INTS7: variants seen among roughly 807,000 people sequenced by gnomAD.
INTS7 encodes the protein integrator complex subunit 7, also known as chromosome 1 open reading frame 73.
A neutral mutation model predicts 109.2 loss-of-function variants in INTS7; 46 were observed. The ratio of observed to expected loss-of-function variants is 0.42; its 90% confidence interval spans 0.33 to 0.54. The LOEUF is 0.54. Among genes scored for constraint, INTS7 ranks in the 20% least tolerant of loss-of-function variants. The probability of loss-of-function intolerance (pLI) is 0.07; values close to 1 mark genes in which losing one functional copy is unlikely to be tolerated. For synonymous variants in INTS7, 412 were observed against 402.9 expected (o/e 1.02, Z -0.27); for missense variants, 929 against 1,132.4 (o/e 0.82, Z 2.58).
chr1:211,956,913 CAT>C (rs2102395442), intron 16 of INTS7, among the ~76,000 whole-genome samples: 1 of 152,266 alleles, frequency 6.6e-6, no homozygotes, highest in South Asian at 2.1e-4. Flanking sequence ...TGTGTGGAAA[CAT>C]GTTTTCATTT....
chr1:211,953,218 A>G (rs1218831821), intron 16 of INTS7, among the ~76,000 whole-genome samples: 6 of 152,224 alleles, frequency 3.9e-5, no homozygotes, highest in Non-Finnish European at 7.4e-5. Context: ...GCATGAATCT[A>G]AAGCATGGAG....
chr1:212,009,359 C>T (rs1666068389), intron 5 of INTS7, among the ~76,000 whole-genome samples: 2 of 152,130 alleles, frequency 1.3e-5, no homozygotes, highest in Admixed American at 6.5e-5. Flanking sequence ...ACACAGAATA[C>T]TCCAGCATCC....
In INTS7 at chr1:211,962,762, G is replaced by A. The variant is rs149795623; in HGVS notation, c.2183+3668C>T. ...TACAATTACATGGAAATTAAACAAC[G>A]TGCTCCTGAATGATTTTTTGGCAAG... On this transcript the variant is annotated intron_variant, in intron 16 of 19. Transcript: ENST00000366994. 6.6e-3 allele frequency among the ~76,000 whole-genome samples: 1,007 copies of A among 152,164 alleles called. 7 individuals are homozygous for A. The highest frequency in any genetic ancestry group is 0.023 in the African/African-American group (961 of 41,534).
intron 7 of INTS7, 72 bp from the exon 8 acceptor site, chr1:211,988,075 C>T: frequency 1.4e-6 from 1 of 737,658 alleles, no homozygotes; most frequent in Non-Finnish European, 2.2e-6. Flanking sequence ...ACTCCATTTA[C>T]ATTTTCTGGC....
At chr1:211,996,008 G>T (rs1665366670) in intron 7 of INTS7, among the ~76,000 whole-genome samples, 1 of 152,072 alleles carries the variant, frequency 6.6e-6, no homozygotes, top group African/African-American at 2.4e-5. Flanking sequence ...AATATAAACT[G>T]GAGTGAGAAA....
chr1:211,957,787 A>G lies in INTS7; in HGVS notation c.2184-5086T>C, dbSNP rs149851292. On this transcript the variant is annotated intron_variant, in intron 16 of 19. Coordinates refer to ENST00000366994, the MANE Select transcript of INTS7 (RefSeq NM_015434.4). Reference sequence around the variant, plus strand: ...AGAAATCATGACCAATTTCAAGGTCATGAAGAGGTTTTCCAATGTAGTCTT... The same window carrying G: ...AGAAATCATGACCAATTTCAAGGTCGTGAAGAGGTTTTCCAATGTAGTCTT... Among the ~76,000 whole-genome samples, 656 of 152,228 alleles carry G rather than the reference A, an allele frequency of 4.3e-3. 1 individual carries two copies. Among genetic ancestry groups the G allele is most frequent in the African/African-American group, 0.015 (625 of 41,534 alleles).
Position 212,035,497 on chromosome 1 carries a change from G to A in INTS7, c.-60C>T, listed in dbSNP as rs972340148. 25 of 1,233,646 alleles carry A rather than the reference G, an allele frequency of 2.0e-5. No homozygotes were observed. Among genetic ancestry groups the A allele is most frequent in the Non-Finnish European group, 2.4e-5 (20 of 834,748 alleles). 76.4% of individuals were successfully genotyped at this position (1,233,646 alleles called of 1,614,324 possible). ...AGCTTGCAAACTCTACCCCAGGACC[G>A]CCATCTTCCCCCGCCGCCTTCTTGC... On this transcript the variant is annotated 5_prime_UTR_variant, in exon 1 of 20. Transcript: ENST00000366994.
At chr1:211,956,724 G>A (rs2102395148) in intron 16 of INTS7, among the ~76,000 whole-genome samples, 1 of 152,042 alleles carries the variant, frequency 6.6e-6, no homozygotes, top group South Asian at 2.1e-4. Flanking sequence ...TGTTTCGGAG[G>A]GCACGCATGG....
intron 1 of INTS7, among the ~76,000 whole-genome samples, chr1:212,021,680 T>TA (rs1169512759): frequency 0.077 from 9,755 of 126,994 alleles, 604 homozygotes; most frequent in African/African-American, 0.17. Flanking sequence ...CCTCATCTCT[T>TA]AAAAAAAAAA....
chr1:211,991,108 G>A (rs1665125809), intron 7 of INTS7, among the ~76,000 whole-genome samples: 1 of 151,884 alleles, frequency 6.6e-6, no homozygotes, highest in Non-Finnish European at 1.5e-5. Context: ...TGAATAAGAA[G>A]GATTCAGTAA....
At chr1:211,973,901 T>A (rs1177172921) in intron 13 of INTS7, among the ~76,000 whole-genome samples, 3 of 152,186 alleles carry the variant, frequency 2.0e-5, no homozygotes, top group Admixed American at 2.0e-4. Flanking sequence ...AAAGTCACGC[T>A]GTGTTAATGG....
At chr1:211,969,282 CAA>C (rs201346613) in intron 13 of INTS7, among the ~76,000 whole-genome samples, 2 of 128,302 alleles carry the variant, frequency 1.6e-5, no homozygotes, top group South Asian at 5.0e-4. Flanking sequence ...GAGACTGTCT[CAA>C]AAAAAAAAAC....
At position 211,959,475 on chromosome 1, in the gene INTS7, A is replaced by G. The variant is rs553611946; in HGVS notation, c.2184-6774T>C. On this transcript the variant is annotated intron_variant, in intron 16 of 19. Transcript: ENST00000366994. This position sits in a 1 kb window ranked among gnomAD's most constrained non-coding sequence, Gnocchi z 4.2. Reference sequence around the variant, plus strand: ...CAGCACAGCGGCCCAGCATGTGGACATGGGCCGGCTCACCTGCTCCCTCCC... The same window carrying G: ...CAGCACAGCGGCCCAGCATGTGGACGTGGGCCGGCTCACCTGCTCCCTCCC... 9.9e-5 allele frequency among the ~76,000 whole-genome samples: 15 copies of G among 152,244 alleles called. No individual in the cohort carries two copies. The highest frequency in any genetic ancestry group is 2.1e-4 in the Non-Finnish European group (14 of 68,000).
chr1:212,007,365 G>A lies in INTS7; in HGVS notation c.641C>T (p.Ala214Val). ...MHHDAILASS[A>V]RQLLQQLVTS... ...GACCAGCTGTTGTAAAAGCTGACGA[G>A]CACTGGAAGCCAAGATTGCATCATG... Residue 214 changes from alanine to valine, a missense_variant, in exon 6 of 20, where the codon GCT (alanine) becomes GTT (valine). Around this residue, in one of 2 missense-constraint regions of INTS7, gnomAD observed 787 missense variants for 901.1 expected, o/e 0.87. Coordinates refer to ENST00000366994, the MANE Select transcript of INTS7 (RefSeq NM_015434.4). 1 of 1,613,916 alleles carries A rather than the reference G, an allele frequency of 6.2e-7. No homozygotes were observed. Among genetic ancestry groups the A allele is most frequent in the South Asian group, 1.1e-5 (1 of 91,082 alleles).
rs560411206 is a variant in INTS7, at chr1:212,015,386, G to T, written c.509+1500C>A. On this transcript the variant is annotated intron_variant, in intron 4 of 19. Coordinates refer to ENST00000366994, the MANE Select transcript of INTS7 (RefSeq NM_015434.4). Reference sequence around the variant, plus strand: ...AAGAAAAATTCTTCTGCCTTGGGATGCTGTTAATCTATAACCTTACCCCCA... The same window carrying T: ...AAGAAAAATTCTTCTGCCTTGGGATTCTGTTAATCTATAACCTTACCCCCA... Among the ~76,000 whole-genome samples the T allele has an allele frequency of 2.5e-3, 378 of 152,258 alleles. 4 individuals are homozygous for T. Among genetic ancestry groups the T allele is most frequent in the African/African-American group, 8.4e-3 (350 of 41,548 alleles).
At chr1:211,972,839 T>C (rs1187634201) in intron 13 of INTS7, among the ~76,000 whole-genome samples, 9 of 152,198 alleles carry the variant, frequency 5.9e-5, no homozygotes, top group Non-Finnish European at 1.5e-5. Context: ...TTCATGATCT[T>C]AGAACAGGAC....
chr1:212,002,936 A>G (rs960223887), intron 7 of INTS7, among the ~76,000 whole-genome samples: 1 of 152,226 alleles, frequency 6.6e-6, no homozygotes, highest in Admixed American at 6.5e-5. Context: ...AGAAATAGAG[A>G]GTAGAGACAA....
At chr1:212,011,553 A>T (rs1666167652) in intron 4 of INTS7, 132 bp from the exon 5 acceptor site, 1 of 642,888 alleles carries the variant, frequency 1.6e-6, no homozygotes, top group Non-Finnish European at 2.8e-6. Context: ...TTCCAAGGTC[A>T]GGTGCTCGGG....
At chr1:212,028,651 T>C (rs1228139057) in intron 1 of INTS7, among the ~76,000 whole-genome samples, 1 of 152,078 alleles carries the variant, frequency 6.6e-6, no homozygotes, top group Non-Finnish European at 1.5e-5. Flanking sequence ...GGTACAGAAA[T>C]GTAGAGAGGT....
Sources: allele counts gnomAD v4.1 joint callset (sites outside exome capture counted in the v4.1 genomes callset), GRCh38; gene constraint gnomAD v4.1.1; regional missense constraint gnomAD v4.1.1; non-coding constraint Gnocchi (gnomAD v3.1); transcripts MANE v1.5; gene names NCBI Gene and HGNC (gene_info 2026-07-23, HGNC 2026-07-21).